The following TMEM131L variants were observed in gnomAD, a reference collection of about 807,000 sequenced individuals.
TMEM131L encodes transmembrane protein 131-like.
Under a neutral mutation model 192.2 loss-of-function variants are expected in TMEM131L, and 54 were observed. That is an observed-to-expected ratio of 0.28 (90% CI 0.23 to 0.35). TMEM131L has a LOEUF of 0.35. Ranked by LOEUF, TMEM131L falls within the 10% of genes least tolerant of loss-of-function variation. The probability of loss-of-function intolerance (pLI) is 1.00; values close to 1 mark genes in which losing one functional copy is unlikely to be tolerated. For synonymous variants in TMEM131L, 701 were observed against 704.9 expected, an observed-to-expected ratio of 0.99 and a Z score of 0.09; for missense variants, 1,888 against 1,972.9, an observed-to-expected ratio of 0.96 and a Z score of 0.82.
intron 25 of TMEM131L, among the ~76,000 whole-genome samples, chr4:153,606,487 G>A (rs1311447634): frequency 6.6e-6 from 1 of 152,200 alleles, no homozygotes; most frequent in Non-Finnish European, 1.5e-5. Context: ...TAGTGTCAGA[G>A]TAGGTCAGAG....
chr4:153,521,705 G>A (rs765210182), intron 3 of TMEM131L, among the ~76,000 whole-genome samples: 2 of 151,898 alleles, frequency 1.3e-5, no homozygotes, highest in Non-Finnish European at 2.9e-5. Flanking sequence ...GCTCAAGCCC[G>A]TAGCACCCAC....
chr4:153,515,986 C>T (rs1443798471), intron 3 of TMEM131L, among the ~76,000 whole-genome samples: 1 of 151,674 alleles, frequency 6.6e-6, no homozygotes, highest in African/African-American at 2.4e-5. Flanking sequence ...CCATCTTGAC[C>T]TCACACAGCG....
In TMEM131L at chr4:153,617,718, C is replaced by T. The variant is rs72952867; in HGVS notation, c.3568-3038C>T. Among the ~76,000 whole-genome samples the T allele has an allele frequency of 3.1e-3, 479 of 152,336 alleles. 7 individuals are homozygous for T. Among genetic ancestry groups the T allele is most frequent in the African/African-American group, 0.011 (465 of 41,580 alleles). Reference sequence around the variant, plus strand: ...ACACAGTGAACAGGATCCTGCTTCCCCAGCCATTTCCTAGTGCTTATGCAT... The same window carrying T: ...ACACAGTGAACAGGATCCTGCTTCCTCAGCCATTTCCTAGTGCTTATGCAT... On this transcript the variant is annotated intron_variant, in intron 26 of 34. Transcript: ENST00000409959.
intron 3 of TMEM131L, among the ~76,000 whole-genome samples, chr4:153,509,196 AC>A (rs1325784427): frequency 1.5e-5 from 2 of 134,562 alleles, no homozygotes; most frequent in African/African-American, 7.1e-5. Flanking sequence ...AACAACAACA[AC>A]AAAAAAAACA....
At chr4:153,547,211 C>T (rs1221549681) in intron 3 of TMEM131L, among the ~76,000 whole-genome samples, 3 of 152,138 alleles carry the variant, frequency 2.0e-5, no homozygotes, top group African/African-American at 7.2e-5. Flanking sequence ...AAGTTAGAGA[C>T]ACTCTGGCTA....
At chr4:153,605,382 G>C (rs923874035) in intron 25 of TMEM131L, among the ~76,000 whole-genome samples, 1 of 152,090 alleles carries the variant, frequency 6.6e-6, no homozygotes, top group African/African-American at 2.4e-5. Flanking sequence ...GTTTTATTTT[G>C]TTTGAAATAA....
chr4:153,481,400 G>T (rs1731928375), intron 3 of TMEM131L, among the ~76,000 whole-genome samples: 1 of 152,172 alleles, frequency 6.6e-6, no homozygotes, highest in Admixed American at 6.5e-5. Flanking sequence ...AGGAATGCAA[G>T]CTCATGCTTT....
chr4:153,587,788 A>C lies in TMEM131L; in HGVS notation c.1529A>C (p.Tyr510Ser), dbSNP rs199974231. The C allele has an allele frequency of 1.4e-4, 231 of 1,613,388 alleles. No individual in the cohort carries two copies. Among genetic ancestry groups the C allele is most frequent in the Non-Finnish European group, 1.8e-4 (212 of 1,179,474 alleles). The change falls in exon 15 of 35, where the codon TAT becomes TCT. Residue 510 changes from tyrosine to serine, a missense_variant. Tyr to Ser is a moderately radical substitution (Grantham distance 144). Transcript: ENST00000409959. The part of the protein sequence containing the change: ...FEVIAHCGMH[Y>S]FMGKSKAGNP... The stretch of plus-strand genomic sequence containing the variant: ...GTGATAGCACATTGTGGCATGCATT[A>C]TTTCATGGGAAAATCAAAAGCAGGT...
intron 21 of TMEM131L, among the ~76,000 whole-genome samples, chr4:153,599,389 T>G (rs1161228573): frequency 6.6e-6 from 1 of 152,028 alleles, no homozygotes; most frequent in East Asian, 1.9e-4. Flanking sequence ...GAGATTTTGG[T>G]GAGGACGCAG....
intron 3 of TMEM131L, among the ~76,000 whole-genome samples, chr4:153,539,057 G>A (rs1191773004): frequency 1.3e-5 from 2 of 152,220 alleles, no homozygotes; most frequent in Non-Finnish European, 2.9e-5. Flanking sequence ...AGGGGCCAAA[G>A]AGCAACCTCT....
intron 3 of TMEM131L, among the ~76,000 whole-genome samples, chr4:153,475,631 A>T (rs915084407): frequency 6.6e-6 from 1 of 152,168 alleles, no homozygotes; most frequent in African/African-American, 2.4e-5. Flanking sequence ...GGCCCTCTGT[A>T]TCTGTGACTT....
At chr4:153,570,317 A>G (rs1404506437) in intron 7 of TMEM131L, among the ~76,000 whole-genome samples, 29 of 152,206 alleles carry the variant, frequency 1.9e-4, no homozygotes, top group Admixed American at 1.9e-3. Flanking sequence ...CGATTTACCA[A>G]AGAGAGGGAA....
At chr4:153,564,775 CTGTT>C (rs1729083844) in intron 7 of TMEM131L, among the ~76,000 whole-genome samples, 1 of 152,198 alleles carries the variant, frequency 6.6e-6, no homozygotes. Flanking sequence ...TTACACAAAA[CTGTT>C]TGTTAATTCC....
At chr4:153,585,251 C>T (rs529248244) in intron 12 of TMEM131L, among the ~76,000 whole-genome samples, 7 of 152,312 alleles carry the variant, frequency 4.6e-5, no homozygotes, top group South Asian at 2.1e-4. Context: ...CTGTGCTGGC[C>T]GCAGCCTGGT....
At chr4:153,607,872 A>G (rs1189737208) in intron 25 of TMEM131L, among the ~76,000 whole-genome samples, 1 of 152,244 alleles carries the variant, frequency 6.6e-6, no homozygotes, top group Non-Finnish European at 1.5e-5. Context: ...TGGGCAGATC[A>G]CTTGAGCCCA....
chr4:153,517,818 A>AT lies in TMEM131L; in HGVS notation c.240-32251dup, dbSNP rs1734839975. On this transcript the variant is annotated intron_variant, in intron 3 of 34. Coordinates refer to ENST00000409959, the MANE Select transcript of TMEM131L (RefSeq NM_001131007.2). ...AAATACCTATTTTAGTACACACTTG[A>AT]TTTTCTGGATAACCCAATGGTGGTA... Among the ~76,000 whole-genome samples the AT allele has an allele frequency of 2.0e-5, 3 of 152,084 alleles. No individual in the cohort carries two copies. The South Asian group carries it at 6.2e-4, about 32-fold the overall frequency.
chr4:153,574,662 A>G (rs1729814822), intron 7 of TMEM131L, among the ~76,000 whole-genome samples: 1 of 152,176 alleles, frequency 6.6e-6, no homozygotes, highest in Admixed American at 6.5e-5. Context: ...GCAATGGTGC[A>G]GTTGCAGCTC....
intron 3 of TMEM131L, among the ~76,000 whole-genome samples, chr4:153,507,880 C>T (rs1561142004): frequency 1.3e-5 from 2 of 152,112 alleles, no homozygotes. Flanking sequence ...GATCCTAGGG[C>T]TGGGTATCAC....
chr4:153,502,114 G>A (rs377084909), intron 3 of TMEM131L, among the ~76,000 whole-genome samples: 3 of 152,022 alleles, frequency 2.0e-5, no homozygotes, highest in East Asian at 3.9e-4. Flanking sequence ...ACCATGCCTG[G>A]CTAATTTTTT....
Sources: gnomAD v4.1 joint callset for allele counts (sites outside exome capture counted in the v4.1 genomes callset) on GRCh38, gnomAD v4.1.1 for gene constraint, MANE v1.5 for transcripts, NCBI Gene and HGNC (gene_info 2026-07-23, HGNC 2026-07-21) for gene names.